FBXO31: variants seen among roughly 807,000 people sequenced by gnomAD.
FBXO31 encodes the protein F-box protein 31.
A neutral mutation model predicts 54.4 loss-of-function variants in FBXO31; 24 were observed. The observed-to-expected ratio is 0.44, with a 90% CI of 0.32 to 0.62. The LOEUF (loss-of-function observed/expected upper bound fraction) is 0.62, where lower values mean the gene tolerates loss of function less well. FBXO31 is among the 20% of genes least tolerant of loss of function. The pLI is 0.05. For synonymous variants in FBXO31, 388 were observed against 335.6 expected, an observed-to-expected ratio of 1.16 and a Z score of -1.71; for missense variants, 665 against 787.1, an observed-to-expected ratio of 0.84 and a Z score of 1.86.
At chr16:87,387,999 G>A (rs1187353977), upstream of FBXO31, among the ~76,000 whole-genome samples, 1 of 152,210 alleles carries the variant, frequency 6.6e-6, no homozygotes, top group South Asian at 2.1e-4. Context: ...AGCCTCCACA[G>A]TTGCACACGT....
intron 1 of FBXO31, among the ~76,000 whole-genome samples, chr16:87,366,870 A>G (rs1185139159): frequency 6.6e-6 from 1 of 152,152 alleles, no homozygotes; most frequent in Non-Finnish European, 1.5e-5. Context: ...CAAAATAGCA[A>G]TGCGGAAAAT....
intron 1 of FBXO31, among the ~76,000 whole-genome samples, chr16:87,370,293 TGGGAG>T (rs1267297291): frequency 4.6e-5 from 7 of 152,052 alleles, no homozygotes; most frequent in Admixed American, 3.3e-4. Context: ...CACACTGGGA[TGGGAG>T]GGACAGGGAC....
chr16:87,359,830 C>T (rs777081309), intron 2 of FBXO31, among the ~76,000 whole-genome samples: 4 of 152,160 alleles, frequency 2.6e-5, no homozygotes, highest in Non-Finnish European at 2.9e-5. Flanking sequence ...AAACATGAAA[C>T]GGGGCTGGGG....
chr16:87,389,731 G>A (rs1346168743), intron 1 of FBXO31: 1 of 152,088 alleles, frequency 6.6e-6, no homozygotes, highest in South Asian at 2.1e-4. Flanking sequence ...CATAATATGC[G>A]CTTACCGGAT....
In FBXO31 at chr16:87,350,297, A is replaced by G. The variant is rs115715979; in HGVS notation, c.413-3047T>C. Among the ~76,000 whole-genome samples the G allele has an allele frequency of 9.5e-3, 1,441 of 152,242 alleles. 22 individuals carry two copies. The highest frequency in any genetic ancestry group is 0.033 in the African/African-American group (1,354 of 41,540). On this transcript the variant is annotated intron_variant, in intron 2 of 8. Transcript: ENST00000311635. ...TAAGAAACTTCTCAAGCCTTTGGAG[A>G]AGACGCTAGACTCCACCAACAGCTC...
rs1904763952 is a variant in FBXO31 at position 87,329,414 on chromosome 16, G to T, written c.*1874C>A. On this transcript the variant is annotated 3_prime_UTR_variant, in exon 9 of 9. Coordinates refer to ENST00000311635, the MANE Select transcript of FBXO31 (RefSeq NM_024735.5). ...TCAAGCCCCAAAGGGCACGCCTCTA[G>T]GACTGCGTCCCTTAGAGCGAGGCTC... is the stretch of plus-strand genomic sequence containing the variant. The T allele has an allele frequency of 6.6e-6, 1 of 152,300 alleles. No individual in the cohort carries two copies. Among genetic ancestry groups the T allele is most frequent in the Non-Finnish European group, 1.5e-5 (1 of 68,058 alleles). The allele number at this position is 152,300 out of a possible 1,614,324, so 9.4% of individuals were successfully genotyped here.
In FBXO31 at chr16:87,338,596, G is replaced by A. The variant is rs1043976379; in HGVS notation, c.733-2332C>T. 1.3e-5 allele frequency among the ~76,000 whole-genome samples: 2 copies of A among 152,182 alleles called. No homozygotes were observed. The highest frequency in any genetic ancestry group is 2.1e-4 in the South Asian group (1 of 4,828). ...CCATTTCTCACAAGGACCCACGGCTGAGGGAACCCACAACCCTGGGAACAT... is the reference window on the plus strand; with the variant it reads ...CCATTTCTCACAAGGACCCACGGCTAAGGGAACCCACAACCCTGGGAACAT... On this transcript the variant is annotated intron_variant, in intron 5 of 8. Coordinates refer to ENST00000311635, the MANE Select transcript of FBXO31 (RefSeq NM_024735.5). This position sits in a 1 kb window ranked among gnomAD's most constrained non-coding sequence, Gnocchi z 4.3.
intron 1 of FBXO31, among the ~76,000 whole-genome samples, chr16:87,379,266 G>A (rs1385191736): frequency 2.0e-5 from 3 of 152,132 alleles, no homozygotes; most frequent in African/African-American, 7.2e-5. Context: ...AGAGTGGTGG[G>A]AAAATCTACA....
intron 2 of FBXO31, among the ~76,000 whole-genome samples, chr16:87,353,819 C>T (rs1293951529): frequency 6.6e-6 from 1 of 152,262 alleles, no homozygotes; most frequent in Non-Finnish European, 1.5e-5. Context: ...CCCCGGACAC[C>T]TTGTCTTGAA....
chr16:87,356,735 T>G (rs1039357193), intron 2 of FBXO31, among the ~76,000 whole-genome samples: 17 of 152,226 alleles, frequency 1.1e-4, no homozygotes, highest in African/African-American at 3.6e-4. Flanking sequence ...GTTGGTGTTT[T>G]TAGAAATCGG....
At chr16:87,381,187 T>C (rs1255662030) in intron 1 of FBXO31, among the ~76,000 whole-genome samples, 1 of 152,182 alleles carries the variant, frequency 6.6e-6, no homozygotes, top group Non-Finnish European at 1.5e-5. Context: ...ACTTTCCATG[T>C]ACATGACAAA....
intron 1 of FBXO31, among the ~76,000 whole-genome samples, chr16:87,379,510 TTG>T (rs1411864548): frequency 6.6e-6 from 1 of 152,172 alleles, no homozygotes; most frequent in Non-Finnish European, 1.5e-5. Flanking sequence ...TACCTGCAGG[TTG>T]TGTTTGCCCC....
At chr16:87,382,569 C>T (rs1246666805) in intron 1 of FBXO31, among the ~76,000 whole-genome samples, 1 of 152,174 alleles carries the variant, frequency 6.6e-6, no homozygotes, top group Non-Finnish European at 1.5e-5. Context: ...GTGATCCATC[C>T]GTCTCTCTAC....
intron 2 of FBXO31, among the ~76,000 whole-genome samples, chr16:87,351,489 G>T (rs1399590357): frequency 6.6e-6 from 1 of 152,176 alleles, no homozygotes; most frequent in Non-Finnish European, 1.5e-5. Context: ...AAGGGCAGCA[G>T]ATGGTCAGGC....
chr16:87,359,143 C>A (rs925137382), intron 2 of FBXO31, among the ~76,000 whole-genome samples: 1 of 152,220 alleles, frequency 6.6e-6, no homozygotes, highest in African/African-American at 2.4e-5. Context: ...ACTAACACTG[C>A]GGGGAATAAA....
rs980875095 is a variant in FBXO31, at chr16:87,346,098, T to A, written c.489+1076A>T. Among the ~76,000 whole-genome samples the A allele has an allele frequency of 2.0e-5, 3 of 152,144 alleles. No individual in the cohort carries two copies. Among genetic ancestry groups the A allele is most frequent in the Non-Finnish European group, 4.4e-5 (3 of 68,018 alleles). On this transcript the variant is annotated intron_variant, in intron 3 of 8. Coordinates refer to ENST00000311635, the MANE Select transcript of FBXO31 (RefSeq NM_024735.5). This position sits in a 1 kb window ranked among gnomAD's most constrained non-coding sequence, Gnocchi z 4.2. Reference sequence around the variant, plus strand: ...AAAAGGAGGAATCAGGGCCTGGGGATAGAGTCACGGACGGCCTCCGGCTGG... The same window carrying A: ...AAAAGGAGGAATCAGGGCCTGGGGAAAGAGTCACGGACGGCCTCCGGCTGG...
chr16:87,342,692 G>A (rs1257187826), intron 5 of FBXO31, among the ~76,000 whole-genome samples, 185 bp downstream of exon 5: 2 of 152,218 alleles, frequency 1.3e-5, no homozygotes, highest in Admixed American at 6.5e-5. Context: ...CTGCCCGCCC[G>A]CACGATGCTG....
chr16:87,357,202 G>A (rs1019868334), intron 2 of FBXO31, among the ~76,000 whole-genome samples: 1 of 151,472 alleles, frequency 6.6e-6, no homozygotes, highest in African/African-American at 2.4e-5. Context: ...CTGTAATTGT[G>A]CCACTGCACT....
chr16:87,354,869 G>A (rs1400931354), intron 2 of FBXO31, among the ~76,000 whole-genome samples: 2 of 152,096 alleles, frequency 1.3e-5, no homozygotes, highest in African/African-American at 4.8e-5. Flanking sequence ...TCAAGAGGCT[G>A]AGGCAAGAGA....
Sources: gnomAD v4.1 joint callset for allele counts (sites outside exome capture counted in the v4.1 genomes callset) on GRCh38, gnomAD v4.1.1 for gene constraint, Gnocchi (gnomAD v3.1) non-coding constraint, MANE v1.5 for transcripts, NCBI Gene and HGNC (gene_info 2026-07-23, HGNC 2026-07-21) for gene names.